The following ZNF608 variants were observed in gnomAD, a reference collection of about 807,000 sequenced individuals.
The protein encoded by ZNF608 is zinc finger protein 608, also known as renal carcinoma antigen NY-REN-36.
In ZNF608, 12 loss-of-function variants were observed where a neutral mutation model predicts 109.0. The observed-to-expected ratio is 0.11, with a 90% CI of 0.07 to 0.18. The LOEUF (loss-of-function observed/expected upper bound fraction) is 0.18, where lower values mean the gene tolerates loss of function less well. Among genes scored for constraint, ZNF608 ranks in the 10% least tolerant of loss-of-function variants. The pLI is 1.00. For synonymous variants in ZNF608, 732 were observed against 717.4 expected (o/e 1.02, Z -0.33); for missense variants, 1,707 against 1,879.3 (o/e 0.91, Z 1.70).
In ZNF608 at chr5:124,648,507, G is replaced by A. The variant is rs745616327; in HGVS notation, c.1877C>T (p.Ala626Val). ...VSAYDQLKAP[A>V]SPGAGNPPGT... ...AGGTGGGTTTCCAGCACCAGGGGATGCCGGTGCCTTCAACTGGTCATAAGC... is the reference window on the plus strand; with the variant it reads ...AGGTGGGTTTCCAGCACCAGGGGATACCGGTGCCTTCAACTGGTCATAAGC... The change falls in exon 5 of 10, where the codon GCA (alanine) becomes GTA (valine). Residue 626 changes from alanine to valine, a missense_variant. Transcript: ENST00000513986. The A allele has an allele frequency of 6.2e-7, 1 of 1,614,186 alleles. No homozygotes were observed. Among genetic ancestry groups the A allele is most frequent in the Non-Finnish European group, 8.5e-7 (1 of 1,180,032 alleles).
chr5:124,743,398 CAG>C (rs1363393458), intron 2 of ZNF608, among the ~76,000 whole-genome samples: 1 of 152,154 alleles, frequency 6.6e-6, no homozygotes, highest in African/African-American at 2.4e-5. Flanking sequence ...GGTGAGGGAA[CAG>C]GGGTAGAGTG....
chr5:124,662,828 C>CAG (rs1296062846), intron 3 of ZNF608, among the ~76,000 whole-genome samples: 1 of 152,098 alleles, frequency 6.6e-6, no homozygotes, highest in Admixed American at 6.5e-5. Context: ...CACACACACA[C>CAG]AGACACACAC....
intron 2 of ZNF608, among the ~76,000 whole-genome samples, chr5:124,722,353 T>A (rs1753960545): frequency 6.6e-6 from 1 of 152,184 alleles, no homozygotes; most frequent in Non-Finnish European, 1.5e-5. Context: ...TCTTTACTAC[T>A]TAAGCAATTC....
At chr5:124,655,396 C>T (rs989523755) in intron 3 of ZNF608, among the ~76,000 whole-genome samples, 1 of 152,246 alleles carries the variant, frequency 6.6e-6, no homozygotes, top group Non-Finnish European at 1.5e-5. Context: ...TGCCAAGCAT[C>T]GCAAATGCTG....
At chr5:124,721,972 A>AAAAAAAAAAAG (rs1753937575) in intron 2 of ZNF608, among the ~76,000 whole-genome samples, 5 of 144,116 alleles carry the variant, frequency 3.5e-5, no homozygotes, top group African/African-American at 1.3e-4. Context: ...AAAAAAAAAA[A>AAAAAAAAAAAG]GAACTCAAAG....
intron 2 of ZNF608, among the ~76,000 whole-genome samples, chr5:124,725,434 T>A (rs1754101160): frequency 6.6e-6 from 1 of 152,022 alleles, no homozygotes; most frequent in South Asian, 2.1e-4. Flanking sequence ...ACTAGGTATT[T>A]TTGCTGGGTA....
In ZNF608 at chr5:124,649,600, C is replaced by A; in HGVS notation, c.1250+10G>T. The A allele has an allele frequency of 1.2e-6, 2 of 1,606,890 alleles. No homozygotes were observed. Among genetic ancestry groups the A allele is most frequent in the South Asian group, 1.1e-5 (1 of 90,254 alleles). On this transcript the variant is annotated intron_variant, in intron 4 of 9. Transcript: ENST00000513986. ...TGGGGAAGGAGAGAAATAAAAGGCC[C>A]TGTTCATACCTGGGAGGGGCCCAGT...
intron 3 of ZNF608, among the ~76,000 whole-genome samples, chr5:124,700,727 C>T (rs571711213): frequency 6.6e-6 from 1 of 152,316 alleles, no homozygotes; most frequent in East Asian, 1.9e-4. Context: ...TCCACAATAC[C>T]TTTTAGGGGA....
At chr5:124,667,368 A>C (rs1238329714) in intron 3 of ZNF608, among the ~76,000 whole-genome samples, 2 of 152,202 alleles carry the variant, frequency 1.3e-5, no homozygotes, top group South Asian at 2.1e-4. Context: ...TGCTTCTGAT[A>C]ATCAGTGAAA....
intron 2 of ZNF608, among the ~76,000 whole-genome samples, chr5:124,738,009 A>G (rs1482489888): frequency 6.6e-6 from 1 of 152,176 alleles, no homozygotes; most frequent in Non-Finnish European, 1.5e-5. Context: ...GGAACGTAAA[A>G]CCAACAGTGA....
In ZNF608 at chr5:124,648,944, C is replaced by A; in HGVS notation, c.1440G>T (p.Arg480Ser). ...RRGSLNASGR[R>S]TPPNCAAEDI... ...CCTCAGCAGCACAATTTGGGGGTGTCCTTCGTCCGCTGGCATTGAGGCTGC... is the reference window on the plus strand; with the variant it reads ...CCTCAGCAGCACAATTTGGGGGTGTACTTCGTCCGCTGGCATTGAGGCTGC... The change falls in exon 5 of 10, where the codon AGG becomes AGT. Residue 480 changes from arginine (R) to serine (S), a missense_variant. Transcript: ENST00000513986. The A allele has an allele frequency of 6.2e-7, 1 of 1,614,022 alleles. No individual in the cohort carries two copies.
intron 2 of ZNF608, among the ~76,000 whole-genome samples, chr5:124,724,237 C>T (rs1316195901): frequency 3.3e-5 from 5 of 151,736 alleles, no homozygotes; most frequent in East Asian, 3.9e-4. Context: ...CTTGAACATA[C>T]GGGGACTATT....
intron 3 of ZNF608, among the ~76,000 whole-genome samples, chr5:124,654,865 G>A (rs1750940195): frequency 6.6e-6 from 1 of 152,218 alleles, no homozygotes; most frequent in Non-Finnish European, 1.5e-5. Context: ...ATGACAAGGA[G>A]AACTTCCCAG....
chr5:124,742,273 C>G (rs1382170274), intron 2 of ZNF608, among the ~76,000 whole-genome samples: 1 of 152,160 alleles, frequency 6.6e-6, no homozygotes, highest in Non-Finnish European at 1.5e-5. Context: ...TGAAATGTTC[C>G]GATTGCCAGC....
intron 3 of ZNF608, among the ~76,000 whole-genome samples, chr5:124,691,910 A>G (rs1330003545): frequency 6.6e-6 from 1 of 152,138 alleles, no homozygotes; most frequent in Non-Finnish European, 1.5e-5. Context: ...CCTATGGTTA[A>G]GAATAAAAAA....
intron 2 of ZNF608, among the ~76,000 whole-genome samples, chr5:124,722,025 G>C (rs1208315226): frequency 7.2e-5 from 10 of 139,826 alleles, no homozygotes; most frequent in Non-Finnish European, 4.5e-5. Context: ...CCCAGTTCTA[G>C]AGCTTCTCTC....
intron 3 of ZNF608, among the ~76,000 whole-genome samples, chr5:124,675,197 CA>C (rs2149817561): frequency 6.6e-6 from 1 of 152,260 alleles, no homozygotes; most frequent in South Asian, 2.1e-4. Flanking sequence ...GTGAAATTTA[CA>C]GAAGGCTGAA....
intron 3 of ZNF608, among the ~76,000 whole-genome samples, chr5:124,694,082 T>C (rs1340613121): frequency 7.1e-6 from 1 of 141,664 alleles, no homozygotes; most frequent in Non-Finnish European, 1.5e-5. Flanking sequence ...TTCACGCCAT[T>C]CTCCTGCCTC....
chr5:124,699,329 T>C (rs895994680), intron 3 of ZNF608, among the ~76,000 whole-genome samples: 5 of 152,192 alleles, frequency 3.3e-5, no homozygotes, highest in African/African-American at 1.2e-4. Context: ...GGAGGGTGGC[T>C]GAACAGACAA....
Sources: gnomAD v4.1 joint callset for allele counts (sites outside exome capture counted in the v4.1 genomes callset) on GRCh38, gnomAD v4.1.1 for gene constraint, MANE v1.5 for transcripts, NCBI Gene and HGNC (gene_info 2026-07-23, HGNC 2026-07-21) for gene names.